The following CNTN4 variants were observed in gnomAD, a reference collection of about 807,000 sequenced individuals.
The protein encoded by CNTN4 is contactin 4.
A neutral mutation model predicts 122.5 loss-of-function variants in CNTN4; 77 were observed. The ratio of observed to expected loss-of-function variants is 0.63; its 90% CI spans 0.52 to 0.76. The LOEUF (loss-of-function observed/expected upper bound fraction) is 0.76. Ranked by LOEUF, CNTN4 falls within the 30% of genes least tolerant of loss-of-function variation. The probability of loss-of-function intolerance (pLI) is 0.00; values close to 1 mark genes in which losing one functional copy is unlikely to be tolerated. For missense variants in CNTN4, 1,256 were observed against 1,259.1 expected (o/e 1.00, Z 0.04); for synonymous variants, 512 against 447.0 (o/e 1.15, Z -1.83).
At chr3:2,495,918 A>G (rs2076440733) in intron 3 of CNTN4, among the ~76,000 whole-genome samples, 1 of 152,178 alleles carries the variant, frequency 6.6e-6, no homozygotes, top group Non-Finnish European at 1.5e-5. Context: ...AGAACATAGC[A>G]CAGAGAAGGC....
At chr3:2,574,771 A>G (rs749851059) in intron 4 of CNTN4, among the ~76,000 whole-genome samples, 1 of 152,168 alleles carries the variant, frequency 6.6e-6, no homozygotes, top group African/African-American at 2.4e-5. Context: ...ATGGAAAACT[A>G]GAAAACAACA....
At chr3:2,922,906 C>T (rs780423150) in intron 12 of CNTN4, among the ~76,000 whole-genome samples, 3 of 152,124 alleles carry the variant, frequency 2.0e-5, no homozygotes, top group Non-Finnish European at 4.4e-5. Context: ...CCATCATGCC[C>T]GGCCTTGAAT....
chr3:2,488,684 A>AT (rs2076231443), intron 3 of CNTN4, among the ~76,000 whole-genome samples: 1 of 151,990 alleles, frequency 6.6e-6, no homozygotes. Flanking sequence ...TGGTTTTTAT[A>AT]TGTCATTTCA....
chr3:3,036,898 A>G (rs1199899906), intron 17 of CNTN4, among the ~76,000 whole-genome samples: 1 of 152,206 alleles, frequency 6.6e-6, no homozygotes, highest in East Asian at 1.9e-4. Flanking sequence ...TGAAGGGGTG[A>G]TAGTAATGAT....
chr3:2,872,483 G>GT (rs1423779176), intron 8 of CNTN4, among the ~76,000 whole-genome samples: 5 of 150,958 alleles, frequency 3.3e-5, no homozygotes, highest in African/African-American at 4.9e-5. Flanking sequence ...GTTTTGTTTT[G>GT]TTTTTTAAAT....
At chr3:2,822,342 A>G (rs1446146267) in intron 7 of CNTN4, among the ~76,000 whole-genome samples, 1 of 152,234 alleles carries the variant, frequency 6.6e-6, no homozygotes, top group Non-Finnish European at 1.5e-5. Flanking sequence ...AGAGATTAAA[A>G]GAAGTCTCTC....
intron 7 of CNTN4, among the ~76,000 whole-genome samples, chr3:2,828,211 A>G (rs2093028857): frequency 6.6e-6 from 1 of 152,128 alleles, no homozygotes; most frequent in Non-Finnish European, 1.5e-5. Context: ...AACAAATGAT[A>G]GCTAATGGTT....
At chr3:2,203,072 T>A (rs932411129) in intron 2 of CNTN4, among the ~76,000 whole-genome samples, 2 of 151,828 alleles carry the variant, frequency 1.3e-5, no homozygotes, top group African/African-American at 4.8e-5. Context: ...GACCTCAAGT[T>A]GTCTGCCCGC....
chr3:2,211,595 C>G (rs1009885563), intron 2 of CNTN4, among the ~76,000 whole-genome samples: 3 of 152,138 alleles, frequency 2.0e-5, no homozygotes, highest in African/African-American at 7.2e-5. Flanking sequence ...TGTATGATAA[C>G]ACAGATTTGT....
chr3:2,810,436 T>C (rs1029855256), intron 6 of CNTN4, among the ~76,000 whole-genome samples: 3 of 152,194 alleles, frequency 2.0e-5, no homozygotes, highest in Admixed American at 1.3e-4. Context: ...CAAAGAGTGA[T>C]ATGTGATCTA....
intron 4 of CNTN4, among the ~76,000 whole-genome samples, chr3:2,732,389 G>A (rs867500625): frequency 1.3e-5 from 2 of 151,978 alleles, no homozygotes; most frequent in Non-Finnish European, 2.9e-5. Context: ...AGTCTAACTC[G>A]GAGACGCATT....
chr3:2,121,522 G>A (rs72622118), intron 2 of CNTN4, among the ~76,000 whole-genome samples: 8,361 of 151,054 alleles, frequency 0.055, 423 homozygotes, highest in East Asian at 0.24. Context: ...AAATGAAGTT[G>A]TGTGCACGGG....
At chr3:2,404,116 C>G (rs1941260427) in intron 3 of CNTN4, among the ~76,000 whole-genome samples, 1 of 152,142 alleles carries the variant, frequency 6.6e-6, no homozygotes, top group Non-Finnish European at 1.5e-5. Flanking sequence ...AATTGTTGTT[C>G]TGCAGAAACC....
chr3:2,652,153 T>G (rs763429784), intron 4 of CNTN4, among the ~76,000 whole-genome samples: 2 of 151,830 alleles, frequency 1.3e-5, no homozygotes, highest in Non-Finnish European at 2.9e-5. Context: ...GCTCACAAGG[T>G]CAAGGTTGTA....
chr3:2,255,530 TA>T (rs983208023), intron 2 of CNTN4, among the ~76,000 whole-genome samples: 42 of 152,106 alleles, frequency 2.8e-4, no homozygotes, highest in Non-Finnish European at 5.3e-4. Flanking sequence ...TAAACTCTAA[TA>T]ATTGGAAGTA....
At chr3:2,361,195 A>T (rs2045120705) in intron 3 of CNTN4, among the ~76,000 whole-genome samples, 1 of 152,184 alleles carries the variant, frequency 6.6e-6, no homozygotes, top group African/African-American at 2.4e-5. Context: ...CCTTCCTAGA[A>T]CATAAGTTAA....
intron 2 of CNTN4, among the ~76,000 whole-genome samples, chr3:2,304,985 G>T (rs1400642975): frequency 6.6e-6 from 1 of 151,736 alleles, no homozygotes; most frequent in African/African-American, 2.4e-5. Context: ...ATTCTAAAAT[G>T]ATTAGAATAA....
At chr3:2,271,604 T>C (rs909135099) in intron 2 of CNTN4, among the ~76,000 whole-genome samples, 6 of 152,172 alleles carry the variant, frequency 3.9e-5, no homozygotes, top group African/African-American at 1.4e-4. Context: ...AGGGAAAGTA[T>C]TGGTTATATA....
At chr3:2,460,212 C>A (rs1348074521) in intron 3 of CNTN4, among the ~76,000 whole-genome samples, 1 of 152,122 alleles carries the variant, frequency 6.6e-6, no homozygotes, top group Non-Finnish European at 1.5e-5. Flanking sequence ...GCTCGGCATG[C>A]TCTTTTCTGG....
Sources: allele counts gnomAD v4.1 joint callset (sites outside exome capture counted in the v4.1 genomes callset), GRCh38; gene constraint gnomAD v4.1.1; transcripts MANE v1.5; gene names NCBI Gene and HGNC (gene_info 2026-07-23, HGNC 2026-07-21).